Variants in COL5A1 observed in about 807,000 individuals in gnomAD.
The protein encoded by COL5A1 is collagen alpha-1(V) chain.
In COL5A1, 16 loss-of-function variants were observed where a neutral mutation model predicts 263.7. That is an observed-to-expected ratio of 0.06 (90% CI 0.04 to 0.09). The LOEUF (loss-of-function observed/expected upper bound fraction) is 0.09. Among genes scored for constraint, COL5A1 ranks in the 10% least tolerant of loss-of-function variants. The pLI is 1.00. For synonymous variants in COL5A1, 1,012 were observed against 1,004.5 expected (o/e 1.01, Z -0.14); for missense variants, 2,036 against 2,540.5 (o/e 0.80, Z 4.27).
intron 26 of COL5A1, among the ~76,000 whole-genome samples, chr9:134,773,845 G>A (rs1399129586): frequency 6.6e-6 from 1 of 152,176 alleles, no homozygotes; most frequent in East Asian, 1.9e-4. Flanking sequence ...CTTCTGCCCC[G>A]TTCCCTCTCT....
At chr9:134,699,841 G>A in intron 2 of COL5A1, 68 bp from the exon 3 acceptor site, 1 of 1,505,488 alleles carries the variant, frequency 6.6e-7, no homozygotes. Context: ...CTTGTTTGCA[G>A]AGAGCCATGG....
intron 1 of COL5A1, among the ~76,000 whole-genome samples, chr9:134,679,946 C>T (rs1188557885): frequency 6.6e-6 from 1 of 151,930 alleles, no homozygotes; most frequent in African/African-American, 2.4e-5. Context: ...GTTTAGGATC[C>T]AAGTCAGTCC....
In COL5A1 at chr9:134,750,781, C is replaced by T. The variant is rs548393414; in HGVS notation, c.1570-9C>T. On this transcript the variant is annotated splice_polypyrimidine_tract_variant and intron_variant, in intron 12 of 65. Transcript: ENST00000371817. The stretch of plus-strand genomic sequence containing the variant: ...TGCTCCCAGAGTGACCCTTGTCTTA[C>T]ACTTGCAGTTCCGGTTTGGAGGTGG... 5.0e-6 allele frequency: 8 copies of T among 1,613,268 alleles called. No homozygotes were observed. The South Asian group carries it at 8.8e-5, about 18-fold the overall frequency.
Position 134,754,199 on chromosome 9 carries a change from C to A in COL5A1, c.1774-74C>A. Reference sequence around the variant, plus strand: ...CAGGCATGGGCAGGGTCGATGAGCACAGGGACAAGGCTTTGCTCTTTCTCC... The same window carrying A: ...CAGGCATGGGCAGGGTCGATGAGCAAAGGGACAAGGCTTTGCTCTTTCTCC... On this transcript the variant is annotated intron_variant, in intron 15 of 65. Transcript: ENST00000371817. The surrounding 1 kb of genome is among the most constrained non-coding windows in gnomAD (Gnocchi z 4.3). 1 of 1,520,960 alleles carries A rather than the reference C, an allele frequency of 6.6e-7. No individual in the cohort carries two copies. Among genetic ancestry groups the A allele is most frequent in the African/African-American group, 1.4e-5 (1 of 73,340 alleles). The allele number at this position is 1,520,960 out of a possible 1,614,324, so 94.2% of individuals were successfully genotyped here. A position where few individuals can be genotyped will look rare whatever the true frequency, so the allele number is the denominator to read the frequency against.
chr9:134,791,118 A>ACAAACCTGACTCAAGCC (rs1837677169), intron 32 of COL5A1, among the ~76,000 whole-genome samples: 1 of 152,202 alleles, frequency 6.6e-6, no homozygotes, highest in Non-Finnish European at 1.5e-5. Context: ...GGGACACAAC[A>ACAAACCTGACTCAAGCC]CAAACCTGAC....
At chr9:134,813,138 C>T (rs1021478281) in intron 48 of COL5A1, among the ~76,000 whole-genome samples, 8 of 151,860 alleles carry the variant, frequency 5.3e-5, no homozygotes, top group African/African-American at 1.9e-4. Flanking sequence ...TGGGTCCTCT[C>T]CATTTGATCT....
At chr9:134,752,140 C>T (rs1248811198) in intron 13 of COL5A1, among the ~76,000 whole-genome samples, 1 of 152,226 alleles carries the variant, frequency 6.6e-6, no homozygotes, top group African/African-American at 2.4e-5. Context: ...AATACTTCCC[C>T]AGTGGCTGGG....
intron 11 of COL5A1, among the ~76,000 whole-genome samples, chr9:134,744,753 A>G (rs893530036): frequency 6.6e-6 from 1 of 151,880 alleles, no homozygotes. Flanking sequence ...CTGCACACAC[A>G]TTCATGCACA....
intron 61 of COL5A1, 83 bp from the exon 62 acceptor site, chr9:134,824,517 G>A: frequency 3.2e-6 from 5 of 1,572,512 alleles, no homozygotes; most frequent in Non-Finnish European, 4.3e-6. Context: ...TGCAGATGTG[G>A]CCCCAGCTGT....
chr9:134,679,047 C>T (rs959610612), intron 1 of COL5A1, among the ~76,000 whole-genome samples: 1 of 152,238 alleles, frequency 6.6e-6, no homozygotes, highest in Non-Finnish European at 1.5e-5. Context: ...CATCAATTCT[C>T]AGTTCATTTG....
intron 4 of COL5A1, among the ~76,000 whole-genome samples, chr9:134,702,551 C>T (rs541098678): frequency 3.3e-5 from 5 of 152,260 alleles, no homozygotes; most frequent in East Asian, 1.9e-4. Flanking sequence ...CAAGGGCACG[C>T]GAAGGAGACA....
At chr9:134,787,063 C>T (rs1469873601) in intron 31 of COL5A1, among the ~76,000 whole-genome samples, 4 of 152,246 alleles carry the variant, frequency 2.6e-5, no homozygotes, top group Admixed American at 6.5e-5. Flanking sequence ...TAGGATCTAA[C>T]AGTGGCTCGT....
At chr9:134,732,012 G>A (rs1017942134) in intron 8 of COL5A1, 59 bp from the exon 9 acceptor site, 2 of 1,590,136 alleles carry the variant, frequency 1.3e-6, no homozygotes, top group East Asian at 4.5e-5. Flanking sequence ...GTGTAATCTG[G>A]ACTTTCTTTC....
chr9:134,662,300 A>G (rs756274082), intron 1 of COL5A1, among the ~76,000 whole-genome samples: 4 of 152,232 alleles, frequency 2.6e-5, no homozygotes. Flanking sequence ...CGCTCAGGGC[A>G]GCTACCCTCC....
Position 134,753,739 on chromosome 9 carries a change from G to A in COL5A1, c.1720-111G>A, listed in dbSNP as rs73558066. The A allele has an allele frequency of 0.17, 116,246 of 689,468 alleles. 13,271 individuals carry two copies. Among genetic ancestry groups the A allele is most frequent in the East Asian group, 0.29 (8,807 of 30,882 alleles). The allele number at this position is 689,468 out of a possible 1,614,324, so 42.7% of individuals were successfully genotyped here. On this transcript the variant is annotated intron_variant, in intron 14 of 65. Transcript: ENST00000371817. ...GGTCGCGCTTTGTGTGCTGAGCACCGTGGCCGAAGCCCTGTCCCCTCCCCC... is the reference window on the plus strand; with the variant it reads ...GGTCGCGCTTTGTGTGCTGAGCACCATGGCCGAAGCCCTGTCCCCTCCCCC...
At chr9:134,819,080 A>G (rs751487207) in intron 57 of COL5A1, 27 bp downstream of exon 57, 14 of 1,611,174 alleles carry the variant, frequency 8.7e-6, no homozygotes, top group African/African-American at 4.0e-5. Context: ...TGCCCCAGCA[A>G]CTGTGACTCG....
chr9:134,779,777 T>C (rs532498773), intron 27 of COL5A1, among the ~76,000 whole-genome samples: 43 of 152,182 alleles, frequency 2.8e-4, no homozygotes, highest in Non-Finnish European at 5.4e-4. Flanking sequence ...TAGAAGATGA[T>C]GCTATAATGG....
At chr9:134,650,887 G>A (rs991197159) in intron 1 of COL5A1, among the ~76,000 whole-genome samples, 1 of 152,266 alleles carries the variant, frequency 6.6e-6, no homozygotes, top group African/African-American at 2.4e-5. Flanking sequence ...AGATGTGCCA[G>A]TCTAGCTCCT....
At chr9:134,813,852 C>G in intron 48 of COL5A1, 131 bp from the exon 49 acceptor site, 1 of 949,560 alleles carries the variant, frequency 1.1e-6, no homozygotes, top group East Asian at 2.6e-5. Flanking sequence ...CAGCACTCCC[C>G]AGAAACCCCT....
Sources: gnomAD v4.1 joint callset for allele counts (sites outside exome capture counted in the v4.1 genomes callset) on GRCh38, gnomAD v4.1.1 for gene constraint, Gnocchi (gnomAD v3.1) non-coding constraint, MANE v1.5 for transcripts, NCBI Gene and HGNC (gene_info 2026-07-23, HGNC 2026-07-21) for gene names.